The following HEATR6 variants were observed in gnomAD, a reference collection of about 807,000 sequenced individuals.
HEATR6 encodes HEAT repeat-containing protein 6.
In HEATR6, 106 loss-of-function variants were observed where a neutral mutation model predicts 132.8. The ratio of observed to expected loss-of-function variants is 0.80; its 90% CI spans 0.68 to 0.94. HEATR6 has a LOEUF of 0.94. Among genes scored for constraint, HEATR6 ranks in the 40% least tolerant of loss-of-function variants. The probability of loss-of-function intolerance (pLI) is 0.00; values close to 1 mark genes in which losing one functional copy is unlikely to be tolerated. For synonymous variants in HEATR6, 529 were observed against 537.8 expected (o/e 0.98, Z 0.23); for missense variants, 1,339 against 1,425.1 (o/e 0.94, Z 0.97).
intron 8 of HEATR6, among the ~76,000 whole-genome samples, chr17:60,067,139 G>A (rs1019990182): frequency 2.0e-5 from 3 of 150,704 alleles, no homozygotes; most frequent in Admixed American, 6.6e-5. Flanking sequence ...GCGTAGTGGC[G>A]GGCGCCTGTA....
rs746129707 is a variant in HEATR6, at chr17:60,066,260, G to A, written c.1365C>T (p.Ser455=). 2 of 1,614,006 alleles carry A rather than the reference G, an allele frequency of 1.2e-6. No individual in the cohort carries two copies. The highest frequency in any genetic ancestry group is 1.7e-6 in the Non-Finnish European group (2 of 1,179,930). The change falls in exon 9 of 20, where the codon AGC becomes AGT. Residue 455 remains serine, a synonymous_variant. Transcript: ENST00000184956. ...GAGTCATCAAGGACACTGACTGTGG[G>A]CTGCCAAGTTCAGGCGTATCAGGAA... ...AFIPDTPELG[S]PQSVSLMTLT... is the part of the protein sequence containing the mutation.
rs776012212 is a variant in HEATR6 at position 60,073,785 on chromosome 17, C to T, written c.429G>A (p.Leu143=). The T allele has an allele frequency of 6.2e-6, 10 of 1,613,986 alleles. No homozygotes were observed. The highest frequency in any genetic ancestry group is 1.1e-5 in the South Asian group (1 of 91,076). Residue 143 remains leucine (L), a synonymous_variant, in exon 3 of 20, where the codon CTG becomes CTA. Coordinates refer to ENST00000184956, the MANE Select transcript of HEATR6 (RefSeq NM_022070.5). ...AGCCATTGCAGTACACCAGAGCTGC[C>T]AGGGCTTGAAGAATTTCCCTGTGTG... ...SWTHREILQA[L]AALVYCNGSK...
At chr17:60,044,701 C>T (rs1906303389) in intron 19 of HEATR6, among the ~76,000 whole-genome samples, 1 of 152,216 alleles carries the variant, frequency 6.6e-6, no homozygotes, top group Non-Finnish European at 1.5e-5. Context: ...CTGCTTTCCT[C>T]CTTACCAGAG....
At position 60,048,355 on chromosome 17, in the gene HEATR6, T is replaced by C. The variant is rs1906443342; in HGVS notation, c.2581A>G (p.Ile861Val). The C allele has an allele frequency of 1.9e-6, 3 of 1,613,056 alleles. No individual in the cohort carries two copies. The highest frequency in any genetic ancestry group is 2.5e-6 in the Non-Finnish European group (3 of 1,179,218). The change falls in exon 17 of 20, where the codon ATA becomes GTA. Residue 861 changes from isoleucine to valine, a missense_variant. Coordinates refer to ENST00000184956, the MANE Select transcript of HEATR6 (RefSeq NM_022070.5). ...GACTTGTCTTCAAGTGACATCAATA[T>C]TGCATTTGCTGCGTCTGCAACAAAT... ...VIFVADAANAILMSLEDKSLN... is the reference protein window; with the variant it reads ...VIFVADAANAVLMSLEDKSLN...
At chr17:60,055,642 A>G (rs1274728649) in intron 13 of HEATR6, 41 bp from the exon 14 acceptor site, 2 of 1,422,382 alleles carry the variant, frequency 1.4e-6, no homozygotes, top group Non-Finnish European at 2.0e-6. Context: ...CATCAGAACT[A>G]ATGAATGACT....
At chr17:60,076,266 A>C in intron 1 of HEATR6, 29 bp from the exon 2 acceptor site, 1 of 1,246,842 alleles carries the variant, frequency 8.0e-7, no homozygotes, top group Non-Finnish European at 1.2e-6. Flanking sequence ...TAAGAGGTAA[A>C]ATACTTATTA....
chr17:60,070,604 C>T (rs555072893), intron 6 of HEATR6, 102 bp downstream of exon 6: 1 of 543,104 alleles, frequency 1.8e-6, no homozygotes, highest in Non-Finnish European at 3.3e-6. Context: ...TATGTAAGAA[C>T]TTTTAATACC....
At position 60,042,093 on chromosome 17, in the gene HEATR6, A is replaced by G. The variant is rs2145174522; in HGVS notation, c.*1470T>C. 6.6e-6 allele frequency among the ~76,000 whole-genome samples: 1 copy of G among 152,364 alleles called. No individual in the cohort carries two copies. Among genetic ancestry groups the G allele is most frequent in the African/African-American group, 2.4e-5 (1 of 41,590 alleles). On this transcript the variant is annotated 3_prime_UTR_variant, in exon 20 of 20. Transcript: ENST00000184956. ...CCCCTCTTTGTAACCAACTAACCAAATGATCTTTTCTTAAAGGCACAAATT... is the reference window on the plus strand; with the variant it reads ...CCCCTCTTTGTAACCAACTAACCAAGTGATCTTTTCTTAAAGGCACAAATT...
Position 60,059,903 on chromosome 17 carries a change from G to A in HEATR6, c.1610C>T (p.Thr537Ile). 1 of 1,613,054 alleles carries A rather than the reference G, an allele frequency of 6.2e-7. No homozygotes were observed. The highest frequency in any genetic ancestry group is 2.2e-5 in the East Asian group (1 of 44,892). ...LVAESSSQTV[T>I]QIIKCLANLV... ...TTGGTACATTACCTTAATTATCTGA[G>A]TAACGGTCTGTGAGGATGACTCCGC... Residue 537 changes from threonine to isoleucine, a missense_variant, in exon 10 of 20, where the codon ACT (threonine) becomes ATT (isoleucine). Transcript: ENST00000184956.
intron 16 of HEATR6, 151 bp from the exon 17 acceptor site, chr17:60,048,539 A>G (rs1205394244): frequency 2.4e-6 from 2 of 832,354 alleles, no homozygotes; most frequent in South Asian, 2.5e-5. Context: ...TACTGTTCTT[A>G]TATTTTACAA....
In HEATR6 at chr17:60,073,272, G is replaced by A; in HGVS notation, c.476C>T (p.Pro159Leu). 2 of 1,598,132 alleles carry A rather than the reference G, an allele frequency of 1.3e-6. No individual in the cohort carries two copies. The highest frequency in any genetic ancestry group is 1.7e-6 in the Non-Finnish European group (2 of 1,165,538). ...GAGTCCGGTGTTGCCTAGCAGCTCT[G>A]GGAGGTACTAAGAAAAATAAGAGTC... ...CNGSKCQKYLPELLGNTGLLM... is the reference protein window; with the variant it reads ...CNGSKCQKYLLELLGNTGLLM... Residue 159 changes from proline to leucine, a missense_variant, in exon 4 of 20, where the codon CCA becomes CTA. Coordinates refer to ENST00000184956, the MANE Select transcript of HEATR6 (RefSeq NM_022070.5).
At position 60,047,309 on chromosome 17, in the gene HEATR6, C is replaced by G; in HGVS notation, c.2769G>C (p.Lys923Asn). The G allele has an allele frequency of 6.3e-7, 1 of 1,598,914 alleles. No individual in the cohort carries two copies. The highest frequency in any genetic ancestry group is 2.2e-5 in the East Asian group (1 of 44,514). The change falls in exon 18 of 20, where the codon AAG (lysine) becomes AAC (asparagine). Residue 923 changes from lysine to asparagine, a missense_variant and splice_region_variant. Physicochemically the swap from Lys to Asn is moderately conservative, Grantham distance 94 (BLOSUM62 0). Transcript: ENST00000184956. The stretch of plus-strand genomic sequence containing the variant: ...ATACTGGGTTTTGTTGTGAGTCTAC[C>G]TTGTCTTTATCCTTGGATGCTTCTA... ...SAIEASKDKD[K>N]VKSNAVRALG...
chr17:60,049,008 A>G (rs1400659850), intron 16 of HEATR6, among the ~76,000 whole-genome samples: 1 of 139,160 alleles, frequency 7.2e-6, no homozygotes, highest in African/African-American at 2.7e-5. Flanking sequence ...ATATATATAT[A>G]TATATATATA....
intron 9 of HEATR6, among the ~76,000 whole-genome samples, chr17:60,060,878 C>T (rs533724999): frequency 7.2e-5 from 11 of 152,200 alleles, no homozygotes; most frequent in Middle Eastern, 3.4e-3. Flanking sequence ...ATGGAAAGGA[C>T]AAAAAGAACA....
chr17:60,057,551 C>T (rs1906785890), intron 11 of HEATR6, 148 bp from the exon 12 acceptor site: 2 of 583,012 alleles, frequency 3.4e-6, no homozygotes, highest in Middle Eastern at 3.6e-4. Flanking sequence ...TTTGGAAATA[C>T]ATGGGACAGG....
chr17:60,066,259 G>A lies in HEATR6; in HGVS notation c.1366C>T (p.Pro456Ser), dbSNP rs778743487. 6.2e-7 allele frequency: 1 copy of A among 1,614,008 alleles called. No individual in the cohort carries two copies. The highest frequency in any genetic ancestry group is 1.1e-5 in the South Asian group (1 of 91,060). The stretch of plus-strand genomic sequence containing the variant: ...AGAGTCATCAAGGACACTGACTGTG[G>A]GCTGCCAAGTTCAGGCGTATCAGGA... ...FIPDTPELGS[P>S]QSVSLMTLTL... The change falls in exon 9 of 20, where the codon CCA (proline) becomes TCA (serine). Residue 456 changes from proline (P) to serine (S), a missense_variant. Coordinates refer to ENST00000184956, the MANE Select transcript of HEATR6 (RefSeq NM_022070.5).
At position 60,072,289 on chromosome 17, in the gene HEATR6, C is replaced by T. The variant is rs780759321; in HGVS notation, c.625G>A (p.Val209Ile). ...ATAGTCAGAAAAGCTTGGAAACAGACATTTTGGTAGGGCTCCTCCAAATAC... is the reference window on the plus strand; with the variant it reads ...ATAGTCAGAAAAGCTTGGAAACAGATATTTTGGTAGGGCTCCTCCAAATAC... Reference protein sequence around the residue: ...QPYLEEPYQNVCFQAFLTILQ... With the variant: ...QPYLEEPYQNICFQAFLTILQ... The change falls in exon 5 of 20, where the codon GTC becomes ATC. Residue 209 changes from valine to isoleucine, a missense_variant. Coordinates refer to ENST00000184956, the MANE Select transcript of HEATR6 (RefSeq NM_022070.5). The T allele has an allele frequency of 6.2e-7, 1 of 1,611,616 alleles. No homozygotes were observed.
At chr17:60,048,199 C>T (rs889304184) in intron 17 of HEATR6, 65 bp downstream of exon 17, 8 of 1,543,902 alleles carry the variant, frequency 5.2e-6, no homozygotes, top group Admixed American at 3.5e-5. Flanking sequence ...TGGTAGAGAT[C>T]GAGGACATTC....
chr17:60,067,061 G>A (rs904475652), intron 8 of HEATR6, among the ~76,000 whole-genome samples: 3 of 151,986 alleles, frequency 2.0e-5, no homozygotes, highest in Admixed American at 6.5e-5. Flanking sequence ...ACGAGGTCAG[G>A]AGATCGAGAC....
Sources: gnomAD v4.1 joint callset for allele counts (sites outside exome capture counted in the v4.1 genomes callset) on GRCh38, gnomAD v4.1.1 for gene constraint, MANE v1.5 for transcripts, NCBI Gene and HGNC (gene_info 2026-07-23, HGNC 2026-07-21) for gene names.